Variants in ORC1 observed in about 807,000 individuals in gnomAD.
ORC1 encodes origin recognition complex subunit 1, also known as origin recognition complex, subunit 1 homolog.
In ORC1, 61 loss-of-function variants were observed where a neutral mutation model predicts 98.9. The observed-to-expected ratio is 0.62, with a 90% CI of 0.50 to 0.76. ORC1 has a LOEUF of 0.76. Ranked by LOEUF, ORC1 falls within the 30% of genes least tolerant of loss-of-function variation. The pLI, the probability that ORC1 is intolerant of heterozygous loss-of-function variation, is 0.00. For missense variants in ORC1, 979 were observed against 1,072.2 expected (o/e 0.91, Z 1.21); for synonymous variants, 385 against 406.9 (o/e 0.95, Z 0.65).
upstream of ORC1, chr1:52,404,671 A>C: frequency 1.3e-6 from 2 of 1,500,972 alleles, no homozygotes; most frequent in Non-Finnish European, 9.0e-7. Context: ...ACCTTTCTCC[A>C]TTCCTCTAGG....
In ORC1 at chr1:52,385,231, G is replaced by A. The variant is rs900605952; in HGVS notation, c.1513C>T (p.Pro505Ser). The A allele has an allele frequency of 5.0e-6, 8 of 1,613,782 alleles. No individual in the cohort carries two copies. The East Asian group carries it at 1.6e-4, about 31-fold the overall frequency. The change falls in exon 10 of 17, where the codon CCC becomes TCC. Residue 505 changes from proline to serine, a missense_variant. Physicochemically the swap from Pro to Ser is moderately conservative, Grantham distance 74. Transcript: ENST00000371568. ...LHVSAVPESL[P>S]CREQEFQDIY... ...TCTTGGAATTCCTGTTCCCGACAGG[G>A]AAGAGACTCAGGTACAGCAGAAACA...
chr1:52,380,327 C>T (rs1038039640), intron 14 of ORC1, among the ~76,000 whole-genome samples: 7 of 152,178 alleles, frequency 4.6e-5, no homozygotes, highest in African/African-American at 9.7e-5. Flanking sequence ...AAGTCTCTAA[C>T]GATGCAAGAT....
intron 14 of ORC1, 87 bp downstream of exon 14, chr1:52,381,555 C>T: frequency 1.4e-6 from 2 of 1,403,778 alleles, no homozygotes; most frequent in Non-Finnish European, 2.0e-6. Context: ...TTCTCTCCAA[C>T]CTCAGAGCAC....
At chr1:52,379,367 C>T (rs1385156436) in intron 14 of ORC1, among the ~76,000 whole-genome samples, 1 of 151,448 alleles carries the variant, frequency 6.6e-6, no homozygotes, top group Non-Finnish European at 1.5e-5. Flanking sequence ...CCTCAGCCTC[C>T]CTAGTAGCTG....
At position 52,384,552 on chromosome 1, in the gene ORC1, G is replaced by C. The variant is rs1481500033; in HGVS notation, c.1753C>G (p.Gln585Glu). 2 of 1,613,698 alleles carry C rather than the reference G, an allele frequency of 1.2e-6. No homozygotes were observed. The highest frequency in any genetic ancestry group is 2.7e-5 in the African/African-American group (2 of 74,936). Reference protein sequence around the residue: ...EPHQVYVQILQKLTGQKATAN... With the variant: ...EPHQVYVQILEKLTGQKATAN... ...AAAGCCTAAACAGCTCTGCTTACCT[G>C]CAAGATTTGCACATAGACTTGGTGG... The change falls in exon 11 of 17, where the codon CAG (glutamine) becomes GAG (glutamate). Residue 585 changes from glutamine (Q) to glutamate (E), a missense_variant and splice_region_variant. By Grantham distance (29) the Gln-to-Glu change is conservative. Transcript: ENST00000371568.
intron 3 of ORC1, among the ~76,000 whole-genome samples, chr1:52,398,647 T>C (rs1352007163): frequency 2.0e-5 from 3 of 152,094 alleles, no homozygotes; most frequent in Non-Finnish European, 2.9e-5. Context: ...AGTGGTTTGA[T>C]CTTGGCTCAC....
intron 3 of ORC1, among the ~76,000 whole-genome samples, chr1:52,399,227 G>A (rs1420990402): frequency 6.6e-6 from 1 of 152,166 alleles, no homozygotes; most frequent in East Asian, 1.9e-4. Flanking sequence ...AGTGGCTCAC[G>A]TCTGTAATCA....
chr1:52,398,752 T>C (rs1294067146), intron 3 of ORC1, among the ~76,000 whole-genome samples: 1 of 151,606 alleles, frequency 6.6e-6, no homozygotes, highest in Non-Finnish European at 1.5e-5. Flanking sequence ...CAGCTAATTA[T>C]TTTTTTGTAT....
intron 3 of ORC1, among the ~76,000 whole-genome samples, chr1:52,399,840 A>ACACACACAC (rs1557586074): frequency 4.3e-5 from 6 of 140,182 alleles, no homozygotes; most frequent in African/African-American, 1.7e-4. Flanking sequence ...CACACACACA[A>ACACACACAC]GAATTACAGC....
At chr1:52,374,262 G>A (rs1363640865) in intron 16 of ORC1, among the ~76,000 whole-genome samples, 1 of 152,176 alleles carries the variant, frequency 6.6e-6, no homozygotes, top group African/African-American at 2.4e-5. Context: ...GTAGCTGAAA[G>A]GAAAATGTTT....
At position 52,375,438 on chromosome 1, in the gene ORC1, C is replaced by T. The variant is rs566116666; in HGVS notation, c.2295G>A (p.Thr765=). The change falls in exon 15 of 17, where the codon ACG becomes ACA. Residue 765 remains threonine (T), a synonymous_variant. Coordinates refer to ENST00000371568, the MANE Select transcript of ORC1 (RefSeq NM_004153.4). The part of the protein sequence containing the change: ...VDEMFSSSYI[T]AIKNSSVLEQ... The stretch of plus-strand genomic sequence containing the variant: ...GAAGTGGAGCATCTTACTTGATGGC[C>T]GTGATGTATGATGATGAAAACATCT... 9 of 1,614,032 alleles carry T rather than the reference C, an allele frequency of 5.6e-6. No individual in the cohort carries two copies. Among genetic ancestry groups the T allele is most frequent in the Admixed American group, 3.3e-5 (2 of 60,004 alleles).
intron 11 of ORC1, 41 bp from the exon 12 acceptor site, chr1:52,383,978 C>A: frequency 1.3e-6 from 2 of 1,531,756 alleles, no homozygotes; most frequent in South Asian, 2.2e-5. Context: ...CTGTAAGGGT[C>A]TTACTCCCTT....
In ORC1 at chr1:52,396,403, C is replaced by A. The variant is rs138507237; in HGVS notation, c.403-39G>T. 913 of 1,613,262 alleles carry A rather than the reference C, an allele frequency of 5.7e-4. 4 individuals carry two copies. The East Asian group carries it at 0.012, about 20-fold the overall frequency. On this transcript the variant is annotated intron_variant, in intron 4 of 16. Coordinates refer to ENST00000371568, the MANE Select transcript of ORC1 (RefSeq NM_004153.4). ...GTATAGATAAGTAGGAAGAGATGAGCCCCAAGAGAGCCAAGGAGTATTCCA... is the reference window on the plus strand; with the variant it reads ...GTATAGATAAGTAGGAAGAGATGAGACCCAAGAGAGCCAAGGAGTATTCCA...
chr1:52,392,753 T>C (rs1037647782), intron 6 of ORC1, among the ~76,000 whole-genome samples: 1 of 152,224 alleles, frequency 6.6e-6, no homozygotes, highest in African/African-American at 2.4e-5. Context: ...TAATGGCACT[T>C]CCAGCAACTT....
rs150719028 is a variant in ORC1 at position 52,397,259 on chromosome 1, C to T, written c.402+426G>A. 2.3e-3 allele frequency among the ~76,000 whole-genome samples: 356 copies of T among 152,234 alleles called. 2 individuals carry two copies. Among genetic ancestry groups the T allele is most frequent in the African/African-American group, 8.2e-3 (341 of 41,528 alleles). ...GACTTACTTCAGCCTGCAAACCAGC[C>T]GCTCATTAGCACCTGATTTATTAAG... On this transcript the variant is annotated intron_variant, in intron 4 of 16. Coordinates refer to ENST00000371568, the MANE Select transcript of ORC1 (RefSeq NM_004153.4).
chr1:52,387,847 T>C (rs1040558987), intron 8 of ORC1, among the ~76,000 whole-genome samples: 1 of 152,238 alleles, frequency 6.6e-6, no homozygotes, highest in African/African-American at 2.4e-5. Flanking sequence ...AATTAAGATT[T>C]CTCAACTGTG....
intron 4 of ORC1, 145 bp from the exon 5 acceptor site, chr1:52,396,509 G>C (rs1647404789): frequency 4.5e-6 from 4 of 889,982 alleles, no homozygotes; most frequent in Non-Finnish European, 7.0e-6. Context: ...CATAGACATG[G>C]CATAGCATAT....
In ORC1 at chr1:52,393,175, T is replaced by C. The variant is rs1647259579; in HGVS notation, c.1082+268A>G. On this transcript the variant is annotated intron_variant, in intron 6 of 16. Coordinates refer to ENST00000371568, the MANE Select transcript of ORC1 (RefSeq NM_004153.4). ...ATAGCAATGCAGGTTTGGGAAGTTA[T>C]CTTCTATAGCAATGATCCCCAAATA... 3.3e-5 allele frequency among the ~76,000 whole-genome samples: 5 copies of C among 152,200 alleles called. No individual in the cohort carries two copies. In the South Asian group the frequency reaches 1.0e-3, roughly 32 times the overall value.
At chr1:52,397,145 A>T (rs1301030576) in intron 4 of ORC1, among the ~76,000 whole-genome samples, 1 of 152,192 alleles carries the variant, frequency 6.6e-6, no homozygotes, top group African/African-American at 2.4e-5. Context: ...TCAATGAACC[A>T]CATAATCAGC....
Sources: allele counts gnomAD v4.1 joint callset (sites outside exome capture counted in the v4.1 genomes callset), GRCh38; gene constraint gnomAD v4.1.1; transcripts MANE v1.5; gene names NCBI Gene and HGNC (gene_info 2026-07-23, HGNC 2026-07-21).